CUX2: variants seen among roughly 807,000 people sequenced by gnomAD.
The protein encoded by CUX2 is homeobox protein cut-like 2.
Under a neutral mutation model 144.8 loss-of-function variants are expected in CUX2, and 40 were observed. The ratio of observed to expected loss-of-function variants is 0.28; its 90% CI spans 0.21 to 0.36. The LOEUF (loss-of-function observed/expected upper bound fraction) is 0.36, where lower values mean the gene tolerates loss of function less well. CUX2 is among the 10% of genes least tolerant of loss of function. CUX2 has a pLI of 1.00. For synonymous variants in CUX2, 827 were observed against 875.6 expected, an observed-to-expected ratio of 0.94 and a Z score of 0.98; for missense variants, 1,615 against 1,994.0, an observed-to-expected ratio of 0.81 and a Z score of 3.62.
intron 1 of CUX2, among the ~76,000 whole-genome samples, chr12:111,041,916 G>A (rs1177837824): frequency 6.6e-6 from 1 of 152,226 alleles, no homozygotes; most frequent in Non-Finnish European, 1.5e-5. Context: ...GTAGGGTTCA[G>A]AGCCTGCTGT....
At chr12:111,101,622 G>A (rs150632570) in intron 1 of CUX2, among the ~76,000 whole-genome samples, 2 of 152,288 alleles carry the variant, frequency 1.3e-5, no homozygotes, top group African/African-American at 2.4e-5. Context: ...AGATGGTCGC[G>A]CCAGTGCCAG....
At chr12:111,243,307 A>G (rs1883120700) in intron 3 of CUX2, among the ~76,000 whole-genome samples, 1 of 152,122 alleles carries the variant, frequency 6.6e-6, no homozygotes, top group African/African-American at 2.4e-5. Flanking sequence ...ATATTTTAGT[A>G]TATATTTCTG....
chr12:111,164,687 T>G (rs1233723613), intron 1 of CUX2, among the ~76,000 whole-genome samples: 1 of 152,122 alleles, frequency 6.6e-6, no homozygotes, highest in African/African-American at 2.4e-5. Flanking sequence ...TAGTTAGAAG[T>G]CACGCAATAA....
At chr12:111,203,117 A>G (rs757499861) in intron 1 of CUX2, among the ~76,000 whole-genome samples, 6 of 151,734 alleles carry the variant, frequency 4.0e-5, no homozygotes, top group Non-Finnish European at 8.8e-5. Context: ...CTGTAATCCT[A>G]GCTACTCAGG....
Position 111,160,484 on chromosome 12 carries a change from G to A in CUX2, c.64-53716G>A, listed in dbSNP as rs1459118294. ...TGCCTGTGTGTCTGCATGTGCACAC[G>A]TGCAGTGTGTCAGGGAGGGCCCTTC... On this transcript the variant is annotated intron_variant, in intron 1 of 21. Coordinates refer to ENST00000261726, the MANE Select transcript of CUX2 (RefSeq NM_015267.4). This position sits in a 1 kb window ranked among gnomAD's most constrained non-coding sequence, Gnocchi z 4.1. Among the ~76,000 whole-genome samples, 8 of 152,178 alleles carry A rather than the reference G, an allele frequency of 5.3e-5. No individual in the cohort carries two copies. Among genetic ancestry groups the A allele is most frequent in the African/African-American group, 7.2e-5 (3 of 41,446 alleles).
At chr12:111,073,441 C>T (rs1871346210) in intron 1 of CUX2, among the ~76,000 whole-genome samples, 1 of 152,082 alleles carries the variant, frequency 6.6e-6, no homozygotes, top group Non-Finnish European at 1.5e-5. Context: ...GGGGCTCCTA[C>T]AAACAGTGCT....
In CUX2 at chr12:111,296,523, G is replaced by A. The variant is rs756319931; in HGVS notation, c.688G>A (p.Glu230Lys). ...GCTAGAGCTGCGGCGGAAGTACGAC[G>A]AGGAGGCAGCATCCAAGTAAGTGAG... ...ELLELRRKYD[E>K]EAASKADEVG... The change falls in exon 8 of 22, where the codon GAG (glutamate) becomes AAG (lysine). Residue 230 changes from glutamate to lysine, a missense_variant. Physicochemically the swap from Glu to Lys is moderately conservative, Grantham distance 56 (BLOSUM62 1). This residue lies in a region of CUX2 where 295 missense variants were observed against 400.2 expected (regional missense o/e 0.74). Coordinates refer to ENST00000261726, the MANE Select transcript of CUX2 (RefSeq NM_015267.4). 11 of 1,611,286 alleles carry A rather than the reference G, an allele frequency of 6.8e-6. No homozygotes were observed. Among genetic ancestry groups the A allele is most frequent in the Middle Eastern group, 1.7e-4 (1 of 6,052 alleles).
chr12:111,102,084 C>G (rs1249169844), intron 1 of CUX2, among the ~76,000 whole-genome samples: 3 of 152,208 alleles, frequency 2.0e-5, no homozygotes, highest in Non-Finnish European at 4.4e-5. Context: ...CCCACTCTTT[C>G]TGTAGCCTTG....
intron 1 of CUX2, among the ~76,000 whole-genome samples, chr12:111,108,742 A>C: frequency 1.6e-5 from 2 of 127,442 alleles, no homozygotes; most frequent in African/African-American, 3.1e-5. Context: ...CCTCTCCTTC[A>C]CTTTCTCTTT....
chr12:111,047,036 G>A (rs1870028827), intron 1 of CUX2, among the ~76,000 whole-genome samples: 1 of 152,230 alleles, frequency 6.6e-6, no homozygotes, highest in Non-Finnish European at 1.5e-5. Flanking sequence ...CCCAAAGCCT[G>A]AGAAGCATGG....
chr12:111,055,421 C>T (rs1189133749), intron 1 of CUX2, among the ~76,000 whole-genome samples: 2 of 152,270 alleles, frequency 1.3e-5, no homozygotes, highest in African/African-American at 2.4e-5. Flanking sequence ...GAGGCGGCCC[C>T]GGCCCTCGGA....
intron 1 of CUX2, among the ~76,000 whole-genome samples, chr12:111,121,049 G>A (rs1001796628): frequency 1.3e-5 from 2 of 148,284 alleles, no homozygotes; most frequent in Non-Finnish European, 3.0e-5. Context: ...GGGCTGCATC[G>A]ACGCTGGTAG....
intron 1 of CUX2, among the ~76,000 whole-genome samples, chr12:111,048,383 C>T (rs1370537966): frequency 1.3e-5 from 2 of 152,220 alleles, no homozygotes; most frequent in Admixed American, 6.5e-5. Flanking sequence ...AGGACTAGCA[C>T]TCTACAGCAT....
At chr12:111,110,994 A>T (rs1261047954) in intron 1 of CUX2, among the ~76,000 whole-genome samples, 1 of 152,326 alleles carries the variant, frequency 6.6e-6, no homozygotes, top group African/African-American at 2.4e-5. Context: ...CCAGAGAAAC[A>T]TCATTAGTTC....
chr12:111,094,869 C>T (rs765392620), intron 1 of CUX2, among the ~76,000 whole-genome samples: 1 of 152,136 alleles, frequency 6.6e-6, no homozygotes, highest in Non-Finnish European at 1.5e-5. Context: ...CTCATTGTGC[C>T]GGAAGTTTTG....
At chr12:111,150,959 T>C (rs1243324780) in intron 1 of CUX2, among the ~76,000 whole-genome samples, 2 of 152,206 alleles carry the variant, frequency 1.3e-5, no homozygotes, top group African/African-American at 4.8e-5. Flanking sequence ...GTTTGTACAG[T>C]TGCATCTCAA....
intron 4 of CUX2, among the ~76,000 whole-genome samples, chr12:111,274,850 G>C (rs747755688): frequency 6.6e-6 from 1 of 151,922 alleles, no homozygotes; most frequent in Non-Finnish European, 1.5e-5. Flanking sequence ...CAGCCTTTCC[G>C]GCTCTGTGTT....
intron 1 of CUX2, among the ~76,000 whole-genome samples, chr12:111,104,771 T>C (rs953739206): frequency 5.3e-5 from 8 of 152,188 alleles, no homozygotes; most frequent in Non-Finnish European, 8.8e-5. Flanking sequence ...CAGCAGCCCA[T>C]TGAGCTTCAG....
chr12:111,107,241 G>A (rs369724529), intron 1 of CUX2, among the ~76,000 whole-genome samples: 1 of 152,138 alleles, frequency 6.6e-6, no homozygotes, highest in Admixed American at 6.5e-5. Flanking sequence ...AAGACCCCCC[G>A]GTGGCCTTCC....
Sources: allele counts gnomAD v4.1 joint callset (sites outside exome capture counted in the v4.1 genomes callset), GRCh38; gene constraint gnomAD v4.1.1; regional missense constraint gnomAD v4.1.1; non-coding constraint Gnocchi (gnomAD v3.1); transcripts MANE v1.5; gene names NCBI Gene and HGNC (gene_info 2026-07-23, HGNC 2026-07-21).